The following ZDHHC21 variants were observed in gnomAD, a reference collection of about 807,000 sequenced individuals.
ZDHHC21 encodes the protein palmitoyltransferase ZDHHC21.
ZDHHC21 carries 15 observed loss-of-function variants against 34.6 expected under a neutral mutation model. That is an observed-to-expected ratio of 0.43 (90% CI 0.29 to 0.67). ZDHHC21 has a LOEUF of 0.67. ZDHHC21 is among the 30% of genes least tolerant of loss of function. ZDHHC21 has a pLI of 0.14. For synonymous variants in ZDHHC21, 142 were observed against 101.8 expected, an observed-to-expected ratio of 1.40 and a Z score of -2.38; for missense variants, 344 against 327.7, an observed-to-expected ratio of 1.05 and a Z score of -0.38.
the ZDHHC21 span, among the ~76,000 whole-genome samples, chr9:14,600,655 T>C: frequency 6.6e-6 from 1 of 152,034 alleles, no homozygotes; most frequent in Non-Finnish European, 1.5e-5. Flanking sequence ...CTACTTTAAA[T>C]TTCACATGGA....
intron 5 of ZDHHC21, among the ~76,000 whole-genome samples, chr9:14,670,292 A>T (rs1364106984): frequency 6.6e-6 from 1 of 152,144 alleles, no homozygotes; most frequent in African/African-American, 2.4e-5. Context: ...GAGAAAGCCT[A>T]CAATTTTGTA....
chr9:14,599,170 G>C, the ZDHHC21 span, among the ~76,000 whole-genome samples: 1 of 152,210 alleles, frequency 6.6e-6, no homozygotes, highest in Non-Finnish European at 1.5e-5. Flanking sequence ...TGGCCGAATA[G>C]GAACAGCTTT....
At chr9:14,630,524 C>T (rs767863877) in intron 8 of ZDHHC21, among the ~76,000 whole-genome samples, 2 of 152,128 alleles carry the variant, frequency 1.3e-5, no homozygotes, top group Non-Finnish European at 2.9e-5. Context: ...TATTTTGGTC[C>T]CCTCCCATAA....
At chr9:14,625,998 A>G (rs919921703) in intron 8 of ZDHHC21, among the ~76,000 whole-genome samples, 1 of 152,030 alleles carries the variant, frequency 6.6e-6, no homozygotes, top group Non-Finnish European at 1.5e-5. Flanking sequence ...GAAGCCAGCA[A>G]GGATGATTAT....
At chr9:14,602,362 C>T in the ZDHHC21 span, among the ~76,000 whole-genome samples, 1 of 151,906 alleles carries the variant, frequency 6.6e-6, no homozygotes, top group Non-Finnish European at 1.5e-5. Flanking sequence ...ACAAAGTATT[C>T]GCATCTTGGG....
At chr9:14,691,241 G>A (rs1380234686) in intron 1 of ZDHHC21, among the ~76,000 whole-genome samples, 1 of 152,094 alleles carries the variant, frequency 6.6e-6, no homozygotes, top group Non-Finnish European at 1.5e-5. Flanking sequence ...ACAATAAACT[G>A]CTCCTTTATT....
chr9:14,593,022 G>T, the ZDHHC21 span, among the ~76,000 whole-genome samples: 1 of 151,898 alleles, frequency 6.6e-6, no homozygotes, highest in Non-Finnish European at 1.5e-5. Flanking sequence ...GTACAGGGAG[G>T]GCAATTTATA....
At chr9:14,634,382 C>T (rs948761164) in intron 8 of ZDHHC21, among the ~76,000 whole-genome samples, 1 of 152,320 alleles carries the variant, frequency 6.6e-6, no homozygotes, top group South Asian at 2.1e-4. Flanking sequence ...GAACAAGCCA[C>T]GTGGAGGCCC....
At chr9:14,621,696 C>T (rs1192128179) in intron 8 of ZDHHC21, among the ~76,000 whole-genome samples, 3 of 151,988 alleles carry the variant, frequency 2.0e-5, no homozygotes, top group African/African-American at 7.2e-5. Context: ...CCAAACATGT[C>T]ATCAAGTTTT....
At chr9:14,605,905 T>C in the ZDHHC21 span, among the ~76,000 whole-genome samples, 12 of 152,282 alleles carry the variant, frequency 7.9e-5, no homozygotes, top group East Asian at 5.8e-4. Flanking sequence ...GTACAAAACA[T>C]TGAAGTTTGT....
intron 1 of ZDHHC21, among the ~76,000 whole-genome samples, chr9:14,691,510 C>T (rs1324493329): frequency 1.3e-5 from 2 of 152,288 alleles, no homozygotes; most frequent in South Asian, 2.1e-4. Flanking sequence ...ATAAGAAGTA[C>T]ATGTTATGAT....
At chr9:14,655,848 CA>C (rs1832107163) in intron 7 of ZDHHC21, among the ~76,000 whole-genome samples, 1 of 101,690 alleles carries the variant, frequency 9.8e-6, no homozygotes, top group African/African-American at 3.8e-5. Context: ...CTAAATGTTT[CA>C]TATTAAAAGA....
At chr9:14,643,214 C>A (rs2133748707) in intron 7 of ZDHHC21, among the ~76,000 whole-genome samples, 1 of 152,250 alleles carries the variant, frequency 6.6e-6, no homozygotes, top group South Asian at 2.1e-4. Flanking sequence ...TGCCACTGCA[C>A]TCCAGCCTGG....
chr9:14,663,880 G>C (rs1234365946), intron 5 of ZDHHC21, among the ~76,000 whole-genome samples: 1 of 152,130 alleles, frequency 6.6e-6, no homozygotes, highest in Non-Finnish European at 1.5e-5. Flanking sequence ...TTACCTCTAA[G>C]TGAAATAAAA....
Position 14,658,854 on chromosome 9 carries a change from C to G in ZDHHC21, c.399G>C (p.Trp133Cys), listed in dbSNP as rs1192875431. ...TGTAGAAACACAACTGCAGAAAGAG[C>G]CAATGATTATCTTCACCAACACAAT... ...INNCVGEDNH[W>C]LFLQLCFYTE... The change falls in exon 7 of 10, where the codon TGG (tryptophan) becomes TGC (cysteine). Residue 133 changes from tryptophan (W) to cysteine (C), a missense_variant. Transcript: ENST00000380916. 4 of 1,612,050 alleles carry G rather than the reference C, an allele frequency of 2.5e-6. No homozygotes were observed. The highest frequency in any genetic ancestry group is 3.4e-6 in the Non-Finnish European group (4 of 1,178,870).
intron 8 of ZDHHC21, among the ~76,000 whole-genome samples, chr9:14,637,263 T>A (rs1828473050): frequency 6.6e-6 from 1 of 152,012 alleles, no homozygotes; most frequent in South Asian, 2.1e-4. Flanking sequence ...AAGATTATTA[T>A]GAACAACTAT....
At position 14,614,892 on chromosome 9, in the gene ZDHHC21, G is replaced by C. The variant is rs776093673; in HGVS notation, c.*4074C>G. ...ATTCTAGATATATCTATGTATATTA[G>C]AGGTCATGTCAGAAACTTATTCAAT... On this transcript the variant is annotated 3_prime_UTR_variant, in exon 10 of 10. Transcript: ENST00000380916. 8 of 151,566 alleles carry C rather than the reference G, an allele frequency of 5.3e-5. No individual in the cohort carries two copies. The highest frequency in any genetic ancestry group is 1.0e-4 in the Non-Finnish European group (7 of 67,654). 9.4% of individuals were successfully genotyped at this position (151,566 alleles called of 1,614,324 possible).
intron 8 of ZDHHC21, among the ~76,000 whole-genome samples, chr9:14,633,302 G>A (rs995417756): frequency 2.6e-5 from 4 of 152,092 alleles, no homozygotes; most frequent in Admixed American, 2.6e-4. Context: ...AGTCAAAATT[G>A]GCTGGGGACA....
At chr9:14,679,453 G>A (rs1836988998) in intron 3 of ZDHHC21, among the ~76,000 whole-genome samples, 1 of 152,146 alleles carries the variant, frequency 6.6e-6, no homozygotes, top group Non-Finnish European at 1.5e-5. Context: ...GAAAAAATAT[G>A]CAGGTATGTG....
Sources: gnomAD v4.1 joint callset for allele counts (sites outside exome capture counted in the v4.1 genomes callset) on GRCh38, gnomAD v4.1.1 for gene constraint, MANE v1.5 for transcripts, NCBI Gene and HGNC (gene_info 2026-07-23, HGNC 2026-07-21) for gene names.